The following ETV6 variants were observed in gnomAD, a reference collection of about 807,000 sequenced individuals.
ETV6 encodes transcription factor ETV6.
ETV6 carries 16 observed loss-of-function variants against 51.1 expected under a neutral mutation model. That is an observed-to-expected ratio of 0.31 (90% CI 0.21 to 0.48). The LOEUF (loss-of-function observed/expected upper bound fraction) is 0.48. Ranked by LOEUF, ETV6 falls within the 20% of genes least tolerant of loss-of-function variation. The probability of loss-of-function intolerance (pLI) is 0.99; values close to 1 mark genes in which losing one functional copy is unlikely to be tolerated. For missense variants in ETV6, 458 were observed against 594.8 expected (o/e 0.77, Z 2.39); for synonymous variants, 240 against 224.1 (o/e 1.07, Z -0.64).
intron 1 of ETV6, among the ~76,000 whole-genome samples, chr12:11,724,192 G>A (rs1049792077): frequency 6.6e-6 from 1 of 152,186 alleles, no homozygotes; most frequent in Non-Finnish European, 1.5e-5. Context: ...TGCAGCTCAG[G>A]TTTCCCCTTG....
intron 1 of ETV6, among the ~76,000 whole-genome samples, chr12:11,744,120 C>T (rs528094469): frequency 5.3e-5 from 8 of 152,250 alleles, no homozygotes; most frequent in South Asian, 2.1e-4. Context: ...AGAACAGTCA[C>T]GTGGCAATAG....
intron 2 of ETV6, among the ~76,000 whole-genome samples, chr12:11,782,718 G>A (rs1945430181): frequency 6.6e-6 from 1 of 152,132 alleles, no homozygotes. Context: ...ATTTCTCTCT[G>A]AATTTTTTAA....
intron 6 of ETV6, among the ~76,000 whole-genome samples, 177 bp from the exon 7 acceptor site, chr12:11,885,749 A>C (rs1947173867): frequency 6.6e-6 from 1 of 152,214 alleles, no homozygotes; most frequent in African/African-American, 2.4e-5. Context: ...AAAAAGCTAA[A>C]GGGTGGGGAC....
chr12:11,768,331 T>C (rs932440770), intron 2 of ETV6, among the ~76,000 whole-genome samples: 1 of 152,232 alleles, frequency 6.6e-6, no homozygotes, highest in African/African-American at 2.4e-5. Flanking sequence ...TATGTGTTAC[T>C]AGTGCTTTAA....
At position 11,864,352 on chromosome 12, in the gene ETV6, G is replaced by A. The variant is rs1206037640; in HGVS notation, c.464-5072G>A. On this transcript the variant is annotated intron_variant, in intron 4 of 7. Coordinates refer to ENST00000396373, the MANE Select transcript of ETV6 (RefSeq NM_001987.5). ...GTGACCGTTTTGAAATTTATAAGAT[G>A]GGAAATGGATTCAGGAAATGGGATT... Among the ~76,000 whole-genome samples the A allele has an allele frequency of 1.3e-5, 2 of 152,132 alleles. 1 individual carries two copies. Among genetic ancestry groups the A allele is most frequent in the Middle Eastern group, 6.3e-3 (2 of 316 alleles).
At chr12:11,657,450 G>C (rs1462761818) in intron 1 of ETV6, among the ~76,000 whole-genome samples, 1 of 152,216 alleles carries the variant, frequency 6.6e-6, no homozygotes, top group Non-Finnish European at 1.5e-5. Context: ...CATGTTATGA[G>C]ATTTAAGAAG....
chr12:11,696,071 A>G (rs1289381666), intron 1 of ETV6, among the ~76,000 whole-genome samples: 2 of 152,118 alleles, frequency 1.3e-5, no homozygotes, highest in African/African-American at 4.8e-5. Context: ...TAGCAAAACG[A>G]TAAATTAACA....
At chr12:11,684,172 G>A (rs2120757917) in intron 1 of ETV6, among the ~76,000 whole-genome samples, 1 of 152,326 alleles carries the variant, frequency 6.6e-6, no homozygotes, top group South Asian at 2.1e-4. Flanking sequence ...TAAACATCAT[G>A]TGTACATGCA....
In ETV6 at chr12:11,839,292, TCTC is replaced by T; in HGVS notation, c.320_322del (p.Pro107del). The T allele has an allele frequency of 1.2e-6, 2 of 1,613,590 alleles. No individual in the cohort carries two copies. Among genetic ancestry groups the T allele is most frequent in the South Asian group, 1.1e-5 (1 of 90,980 alleles). ...GACCAAAGAGGACTTTCGCTATCGA[TCTC>T]CTCATTCAGGTGAGAGTCTGGACTC... On this transcript the variant is annotated inframe_deletion, in exon 3 of 8. Coordinates refer to ENST00000396373, the MANE Select transcript of ETV6 (RefSeq NM_001987.5).
At chr12:11,794,133 C>T (rs1023895070) in intron 2 of ETV6, among the ~76,000 whole-genome samples, 1 of 152,172 alleles carries the variant, frequency 6.6e-6, no homozygotes, top group African/African-American at 2.4e-5. Flanking sequence ...CCACGGAAGT[C>T]AGAGAAGGAG....
intron 2 of ETV6, among the ~76,000 whole-genome samples, chr12:11,836,396 T>C (rs1946315932): frequency 6.6e-6 from 1 of 152,148 alleles, no homozygotes; most frequent in Non-Finnish European, 1.5e-5. Context: ...CAAGATCACT[T>C]TTGTATGACT....
chr12:11,727,009 T>C (rs1414715879), intron 1 of ETV6, among the ~76,000 whole-genome samples: 2 of 152,174 alleles, frequency 1.3e-5, no homozygotes, highest in Admixed American at 6.5e-5. Flanking sequence ...CTGGGAAATA[T>C]CATTGCCAGG....
chr12:11,741,581 C>T (rs1360512175), intron 1 of ETV6, among the ~76,000 whole-genome samples: 1 of 152,198 alleles, frequency 6.6e-6, no homozygotes, highest in African/African-American at 2.4e-5. Context: ...ATGGGGGGAG[C>T]TGCAGAGGCA....
At chr12:11,765,513 G>A (rs533599036) in intron 2 of ETV6, among the ~76,000 whole-genome samples, 7 of 151,354 alleles carry the variant, frequency 4.6e-5, no homozygotes, top group East Asian at 3.9e-4. Context: ...ACTTAACTGT[G>A]AATCTGGCAG....
chr12:11,799,309 G>A (rs150576188), intron 2 of ETV6, among the ~76,000 whole-genome samples: 3 of 152,224 alleles, frequency 2.0e-5, no homozygotes, highest in East Asian at 1.9e-4. Context: ...CAGCCTTCCC[G>A]GTGCTTTCCT....
chr12:11,885,078 A>G (rs533267484), intron 6 of ETV6, among the ~76,000 whole-genome samples: 5 of 152,300 alleles, frequency 3.3e-5, no homozygotes, highest in South Asian at 4.1e-4. Flanking sequence ...TTGCCCCACA[A>G]TTTCCCAAAC....
intron 1 of ETV6, among the ~76,000 whole-genome samples, chr12:11,657,025 C>G (rs1864012047): frequency 6.6e-6 from 1 of 152,058 alleles, no homozygotes; most frequent in East Asian, 1.9e-4. Flanking sequence ...CTCGCCTGTT[C>G]TAATTTCCTG....
chr12:11,853,416 T>C lies in ETV6; in HGVS notation c.329-11T>C. Reference sequence around the variant, plus strand: ...TCCATTTCTCGATTTCCCTTTCCTTTTTCTTTCCAGGTGATGTGCTCTATG... The same window carrying C: ...TCCATTTCTCGATTTCCCTTTCCTTCTTCTTTCCAGGTGATGTGCTCTATG... On this transcript the variant is annotated splice_polypyrimidine_tract_variant and intron_variant, in intron 3 of 7. Coordinates refer to ENST00000396373, the MANE Select transcript of ETV6 (RefSeq NM_001987.5). 6.2e-7 allele frequency: 1 copy of C among 1,614,006 alleles called. No individual in the cohort carries two copies. The highest frequency in any genetic ancestry group is 8.5e-7 in the Non-Finnish European group (1 of 1,179,946).
chr12:11,719,663 G>A (rs563355845), intron 1 of ETV6, among the ~76,000 whole-genome samples: 3 of 152,320 alleles, frequency 2.0e-5, no homozygotes, highest in South Asian at 2.1e-4. Flanking sequence ...GGGCTGTGGC[G>A]TCTTTTGGGG....
Sources: gnomAD v4.1 joint callset for allele counts (sites outside exome capture counted in the v4.1 genomes callset) on GRCh38, gnomAD v4.1.1 for gene constraint, MANE v1.5 for transcripts, NCBI Gene and HGNC (gene_info 2026-07-23, HGNC 2026-07-21) for gene names.